The following ARHGEF18 variants were observed in gnomAD, a reference collection of about 807,000 sequenced individuals.
ARHGEF18 encodes rho guanine nucleotide exchange factor 18.
Under a neutral mutation model 155.7 loss-of-function variants are expected in ARHGEF18, and 93 were observed. That is an observed-to-expected ratio of 0.60 (90% CI 0.50 to 0.71). The LOEUF is 0.71. ARHGEF18 is among the 30% of genes least tolerant of loss of function. ARHGEF18 has a pLI of 0.00. For synonymous variants in ARHGEF18, 742 were observed against 753.1 expected, an observed-to-expected ratio of 0.99 and a Z score of 0.24; for missense variants, 1,593 against 1,816.1, an observed-to-expected ratio of 0.88 and a Z score of 2.23.
chr19:7,363,767 AAGG>A (rs1225510720), intron 2 of ARHGEF18, among the ~76,000 whole-genome samples: 1 of 151,140 alleles, frequency 6.6e-6, no homozygotes, highest in Non-Finnish European at 1.5e-5. Flanking sequence ...TGATGAAAGG[AAGG>A]AGGATGGATA....
chr19:7,399,517 T>C (rs940841458), intron 10 of ARHGEF18, among the ~76,000 whole-genome samples: 1 of 151,826 alleles, frequency 6.6e-6, no homozygotes, highest in Non-Finnish European at 1.5e-5. Flanking sequence ...AGTTTTGCTC[T>C]GTGCCCCAGC....
chr19:7,397,500 G>GT (rs1303880847), intron 10 of ARHGEF18, among the ~76,000 whole-genome samples: 1 of 125,356 alleles, frequency 8.0e-6, no homozygotes, highest in African/African-American at 4.1e-5. Context: ...GGGAGGCCCG[G>GT]GGGGGGGCAG....
chr19:7,458,557 G>A lies in ARHGEF18; in HGVS notation c.2227G>A (p.Glu743Lys). The change falls in exon 19 of 29, where the codon GAA (glutamate) becomes AAA (lysine). Residue 743 changes from glutamate (E) to lysine (K), a missense_variant. Coordinates refer to ENST00000668164, the MANE Select transcript of ARHGEF18 (RefSeq NM_001367823.1). ...VISLQKLIVREVANEEKAMFL... is the reference protein window; with the variant it reads ...VISLQKLIVRKVANEEKAMFL... Reference sequence around the variant, plus strand: ...CTCGTTACAAAAGCTCATCGTGAGGGAAGTGGCCAACGAGGAGAAAGCGAT... The same window carrying A: ...CTCGTTACAAAAGCTCATCGTGAGGAAAGTGGCCAACGAGGAGAAAGCGAT... 1 of 1,614,132 alleles carries A rather than the reference G, an allele frequency of 6.2e-7. No homozygotes were observed. Among genetic ancestry groups the A allele is most frequent in the South Asian group, 1.1e-5 (1 of 91,086 alleles).
chr19:7,422,716 CTTTTTTT>C (rs67634093), intron 10 of ARHGEF18, among the ~76,000 whole-genome samples: 9 of 111,226 alleles, frequency 8.1e-5, no homozygotes, highest in Non-Finnish European at 1.4e-4. Context: ...TCTAACTTTT[CTTTTTTT>C]TTTTTTTTTT....
At chr19:7,418,456 T>C (rs1973139728) in intron 10 of ARHGEF18, among the ~76,000 whole-genome samples, 1 of 152,002 alleles carries the variant, frequency 6.6e-6, no homozygotes, top group Non-Finnish European at 1.5e-5. Flanking sequence ...GGTTTTGCAA[T>C]GTTACCCAGA....
intron 10 of ARHGEF18, among the ~76,000 whole-genome samples, chr19:7,438,290 G>A (rs117263384): frequency 0.094 from 14,128 of 150,782 alleles, 844 homozygotes; most frequent in Non-Finnish European, 0.13. Flanking sequence ...GTGTAGAGAC[G>A]GGGTCTTGCT....
intron 10 of ARHGEF18, among the ~76,000 whole-genome samples, chr19:7,417,562 T>C (rs1259477575): frequency 6.6e-6 from 1 of 151,892 alleles, no homozygotes; most frequent in African/African-American, 2.4e-5. Context: ...GCCAGACGAG[T>C]GGCGCACGCC....
chr19:7,439,008 A>G (rs1974450635), intron 10 of ARHGEF18, among the ~76,000 whole-genome samples: 1 of 152,010 alleles, frequency 6.6e-6, no homozygotes, highest in Non-Finnish European at 1.5e-5. Flanking sequence ...AGTAGCTGAG[A>G]TTACAGGCAT....
At chr19:7,479,693 G>A in the ARHGEF18 span, among the ~76,000 whole-genome samples, 7 of 152,178 alleles carry the variant, frequency 4.6e-5, no homozygotes, top group African/African-American at 7.2e-5. Flanking sequence ...CGCAGCAGGC[G>A]GGGCACACAG....
chr19:7,396,403 ATTAATCCT>A (rs1324846266), intron 10 of ARHGEF18, among the ~76,000 whole-genome samples: 1 of 152,092 alleles, frequency 6.6e-6, no homozygotes, highest in Non-Finnish European at 1.5e-5. Context: ...TGAGTGAATG[ATTAATCCT>A]CCAGCTGTAA....
chr19:7,432,880 C>T (rs1974041360), intron 10 of ARHGEF18, among the ~76,000 whole-genome samples: 1 of 152,216 alleles, frequency 6.6e-6, no homozygotes, highest in Non-Finnish European at 1.5e-5. Context: ...CATATCAGGT[C>T]CGGGTACACT....
intron 10 of ARHGEF18, among the ~76,000 whole-genome samples, chr19:7,423,475 G>A (rs1290694115): frequency 2.6e-5 from 4 of 152,024 alleles, no homozygotes; most frequent in South Asian, 2.1e-4. Flanking sequence ...CGAGGCGAGC[G>A]GATCACTTGA....
chr19:7,474,038 T>TAA (rs201547571), downstream of ARHGEF18, among the ~76,000 whole-genome samples: 1 of 144,354 alleles, frequency 6.9e-6, no homozygotes. Flanking sequence ...AAATGAAATT[T>TAA]AAAAAAAAAA....
chr19:7,406,478 A>G (rs1972313150), intron 10 of ARHGEF18, among the ~76,000 whole-genome samples: 1 of 152,172 alleles, frequency 6.6e-6, no homozygotes, highest in South Asian at 2.1e-4. Flanking sequence ...ACAGTCTGTC[A>G]AATGTCTGGC....
At chr19:7,381,260 A>G (rs1016928379) in intron 8 of ARHGEF18, among the ~76,000 whole-genome samples, 39 of 151,496 alleles carry the variant, frequency 2.6e-4, no homozygotes, top group Admixed American at 1.6e-3. Flanking sequence ...AGGATGAAGG[A>G]AAAAAAAAGA....
chr19:7,426,114 G>A (rs1973646982), intron 10 of ARHGEF18, among the ~76,000 whole-genome samples: 1 of 152,192 alleles, frequency 6.6e-6, no homozygotes, highest in Non-Finnish European at 1.5e-5. Context: ...AGCAGTTGGA[G>A]ACTGTGGTGA....
At chr19:7,410,558 C>CCAG (rs1779352132) in intron 10 of ARHGEF18, among the ~76,000 whole-genome samples, 1 of 151,872 alleles carries the variant, frequency 6.6e-6, no homozygotes, top group South Asian at 2.1e-4. Flanking sequence ...CCTGTAAATC[C>CCAG]CAGCACTTTG....
Position 7,467,404 on chromosome 19 carries a change from A to C in ARHGEF18, c.3200A>C (p.Gln1067Pro). The C allele has an allele frequency of 6.5e-7, 1 of 1,533,354 alleles. No individual in the cohort carries two copies. The highest frequency in any genetic ancestry group is 1.2e-5 in the South Asian group (1 of 83,930). 95.0% of individuals were successfully genotyped at this position (1,533,354 alleles called of 1,614,324 possible). A position where few individuals can be genotyped will look rare whatever the true frequency, so the allele number is the denominator to read the frequency against. ...EKLQSQLRHE[Q>P]QRWERERQWQ... ...CTGCAGAGCCAGCTGCGGCACGAGC[A>C]GCAGCGCTGGGAGCGCGAGCGCCAG... Residue 1067 changes from glutamine (Q) to proline (P), a missense_variant, in exon 26 of 29, where the codon CAG (glutamine) becomes CCG (proline). Gln to Pro is a moderately conservative substitution (Grantham distance 76). Coordinates refer to ENST00000668164, the MANE Select transcript of ARHGEF18 (RefSeq NM_001367823.1).
intron 1 of ARHGEF18, among the ~76,000 whole-genome samples, chr19:7,351,589 C>T (rs1969157927): frequency 6.6e-6 from 1 of 152,110 alleles, no homozygotes. Context: ...TCCCAAAGTG[C>T]TGGGATTACA....
Sources: gnomAD v4.1 joint callset for allele counts (sites outside exome capture counted in the v4.1 genomes callset) on GRCh38, gnomAD v4.1.1 for gene constraint, MANE v1.5 for transcripts, NCBI Gene and HGNC (gene_info 2026-07-23, HGNC 2026-07-21) for gene names.